LGSN: variants seen among roughly 807,000 people sequenced by gnomAD.
LGSN encodes the protein lengsin.
A neutral mutation model predicts 19.5 loss-of-function variants in LGSN; 21 were observed. That is an observed-to-expected ratio of 1.07 (90% CI 0.76 to 1.55). The LOEUF is 1.55. Ranked by LOEUF, LGSN falls within the 40% of genes most tolerant of loss-of-function variation. LGSN has a pLI of 0.00. For synonymous variants in LGSN, 257 were observed against 215.6 expected (o/e 1.19, Z -1.68); for missense variants, 673 against 608.5 (o/e 1.11, Z -1.12).
the LGSN span, among the ~76,000 whole-genome samples, chr6:63,413,586 T>A: frequency 4.6e-5 from 7 of 152,316 alleles, no homozygotes; most frequent in East Asian, 1.4e-3. Context: ...AGTAGTTCTG[T>A]GACCTTAGGC....
chr6:63,497,252 T>C, the LGSN span, among the ~76,000 whole-genome samples: 5 of 152,124 alleles, frequency 3.3e-5, no homozygotes, highest in South Asian at 4.1e-4. Context: ...ATTACAGGCA[T>C]GATTAAAATA....
At chr6:63,449,616 A>C in the LGSN span, among the ~76,000 whole-genome samples, 37 of 152,282 alleles carry the variant, frequency 2.4e-4, no homozygotes, top group Admixed American at 7.8e-4. Flanking sequence ...AATTGTTCAA[A>C]ATTCCTAGAA....
the LGSN span, among the ~76,000 whole-genome samples, chr6:63,546,531 C>T: frequency 6.6e-6 from 1 of 152,136 alleles, no homozygotes; most frequent in Non-Finnish European, 1.5e-5. Context: ...TATGGTGAAA[C>T]CCTCTCTCTA....
chr6:63,432,173 AG>A, the LGSN span, among the ~76,000 whole-genome samples: 682 of 29,380 alleles, frequency 0.023, 20 homozygotes, highest in East Asian at 0.046. Flanking sequence ...AAGAAAGAAA[AG>A]GAAAGAAAGA....
chr6:63,349,710 G>C, the LGSN span, among the ~76,000 whole-genome samples: 1 of 152,146 alleles, frequency 6.6e-6, no homozygotes, highest in Non-Finnish European at 1.5e-5. Flanking sequence ...AACCAGCAAG[G>C]AAACAGGAAC....
At chr6:63,450,842 T>A in the LGSN span, among the ~76,000 whole-genome samples, 2 of 151,906 alleles carry the variant, frequency 1.3e-5, no homozygotes, top group African/African-American at 4.8e-5. Flanking sequence ...CTGGCCAATT[T>A]TTTGTATTTT....
the LGSN span, chr6:63,572,861 G>A: frequency 2.5e-6 from 1 of 393,618 alleles, no homozygotes. Flanking sequence ...GTGGGAGCGG[G>A]CGGGTTATGG....
At chr6:63,297,313 A>C (rs1276383466) in intron 1 of LGSN, among the ~76,000 whole-genome samples, 1 of 148,582 alleles carries the variant, frequency 6.7e-6, no homozygotes, top group East Asian at 2.0e-4. Context: ...ATTGCATTCT[A>C]GCCTGGGCAA....
Position 63,280,791 on chromosome 6 carries a change from C to T in LGSN, c.760G>A (p.Val254Ile). The change falls in exon 4 of 4, where the codon GTC (valine) becomes ATC (isoleucine). Residue 254 changes from valine (V) to isoleucine (I), a missense_variant. By Grantham distance (29) the Val-to-Ile change is conservative. Transcript: ENST00000370657. ...VDGLYHTGAN[V>I]ESFSSSTRPG... is the part of the protein sequence containing the mutation. ...CTGGTAGAGGAGGAAAAACTCTCGA[C>T]ATTGGCTCCAGTGTGATACAAGCCA... 1 of 1,614,148 alleles carries T rather than the reference C, an allele frequency of 6.2e-7. No homozygotes were observed. The highest frequency in any genetic ancestry group is 8.5e-7 in the Non-Finnish European group (1 of 1,180,014).
the LGSN span, among the ~76,000 whole-genome samples, chr6:63,326,151 G>A: frequency 6.6e-6 from 1 of 152,044 alleles, no homozygotes; most frequent in Non-Finnish European, 1.5e-5. Context: ...GTGTCGATTG[G>A]TGCGTTCACA....
chr6:63,494,779 CTG>C, the LGSN span, among the ~76,000 whole-genome samples: 1 of 152,136 alleles, frequency 6.6e-6, no homozygotes, highest in African/African-American at 2.4e-5. Context: ...TGCTATATCT[CTG>C]TTGTATTTTC....
At chr6:63,427,114 C>T in the LGSN span, among the ~76,000 whole-genome samples, 2 of 150,504 alleles carry the variant, frequency 1.3e-5, no homozygotes, top group African/African-American at 4.9e-5. Context: ...GGCGCAATCT[C>T]GGCTCACTGC....
At chr6:63,506,454 G>A in the LGSN span, among the ~76,000 whole-genome samples, 4 of 152,060 alleles carry the variant, frequency 2.6e-5, no homozygotes, top group Admixed American at 6.6e-5. Context: ...TAGCAGAGAC[G>A]AGGTTTCACT....
chr6:63,512,298 G>T, the LGSN span, among the ~76,000 whole-genome samples: 1 of 152,152 alleles, frequency 6.6e-6, no homozygotes, highest in South Asian at 2.1e-4. Flanking sequence ...GACCAGGCTG[G>T]TCTGGAACTC....
chr6:63,404,724 T>C, the LGSN span, among the ~76,000 whole-genome samples: 3 of 152,252 alleles, frequency 2.0e-5, no homozygotes, highest in African/African-American at 7.2e-5. Context: ...GAGTTAGAAT[T>C]TCAACTAACT....
the LGSN span, among the ~76,000 whole-genome samples, chr6:63,412,537 A>G: frequency 5.4e-3 from 593 of 109,276 alleles, 4 homozygotes; most frequent in African/African-American, 0.013. Context: ...AAGGAAAGAA[A>G]GAAAGAAAGA....
At chr6:63,289,764 G>A (rs1158103198) in intron 2 of LGSN, among the ~76,000 whole-genome samples, 1 of 152,180 alleles carries the variant, frequency 6.6e-6, no homozygotes, top group African/African-American at 2.4e-5. Flanking sequence ...AGATTGAAGA[G>A]ATGTTTGGGC....
the LGSN span, among the ~76,000 whole-genome samples, chr6:63,470,617 G>C: frequency 6.6e-6 from 1 of 151,890 alleles, no homozygotes; most frequent in South Asian, 2.1e-4. Flanking sequence ...GGTTTACTAG[G>C]GCATTTTTAT....
At position 63,318,480 on chromosome 6, in the gene LGSN, G is replaced by A. The variant is rs538975238; in HGVS notation, c.30+1434C>T. ...CGAACCTATACAGGAGAGTATAAAA[G>A]AGCTTATTCAGTGGAGTTGGGTCAA... On this transcript the variant is annotated intron_variant, in intron 1 of 3. Coordinates refer to ENST00000370657, the MANE Select transcript of LGSN (RefSeq NM_016571.3). Among the ~76,000 whole-genome samples, 4 of 152,230 alleles carry A rather than the reference G, an allele frequency of 2.6e-5. No individual in the cohort carries two copies. In the South Asian group the frequency reaches 8.3e-4, roughly 32 times the overall value.
Sources: gnomAD v4.1 joint callset for allele counts (sites outside exome capture counted in the v4.1 genomes callset) on GRCh38, gnomAD v4.1.1 for gene constraint, MANE v1.5 for transcripts, NCBI Gene and HGNC (gene_info 2026-07-23, HGNC 2026-07-21) for gene names.